LMO7: variants seen among roughly 807,000 people sequenced by gnomAD.
LMO7 encodes LIM domain 7.
In LMO7, 120 loss-of-function variants were observed where a neutral mutation model predicts 206.5. The ratio of observed to expected loss-of-function variants is 0.58; its 90% CI spans 0.50 to 0.68. LMO7 has a LOEUF of 0.68. Ranked by LOEUF, LMO7 falls within the 30% of genes least tolerant of loss-of-function variation. LMO7 has a pLI of 0.00. For synonymous variants in LMO7, 706 were observed against 681.5 expected, an observed-to-expected ratio of 1.04 and a Z score of -0.56; for missense variants, 1,959 against 1,957.9, an observed-to-expected ratio of 1.00 and a Z score of -0.01.
chr13:75,744,551 T>A (rs2046676975), intron 3 of LMO7, among the ~76,000 whole-genome samples: 1 of 152,182 alleles, frequency 6.6e-6, no homozygotes, highest in Admixed American at 6.5e-5. Context: ...ACTTGGAATG[T>A]CTCCCCTTAG....
rs190172966 is a variant in LMO7, at chr13:75,804,285, A to T, written c.662-4A>T. 1.8e-3 allele frequency: 2,893 copies of T among 1,610,022 alleles called. 73 individuals carry two copies. In the Admixed American group the frequency reaches 0.044, roughly 24 times the overall value. ...TAAAGCAAATTCTTGTGCCTTCTTT[A>T]TAGGTTTTGAAAGTGACACAGATTC... On this transcript the variant is annotated splice_polypyrimidine_tract_variant and splice_region_variant and intron_variant, in intron 7 of 30. Transcript: ENST00000377534.
At chr13:75,627,411 T>TG (rs1478524530) in intron 2 of LMO7, 1 of 152,228 alleles carries the variant, frequency 6.6e-6, no homozygotes, top group Non-Finnish European at 1.5e-5. Flanking sequence ...CAACTTATAA[T>TG]GGGTTTATCA....
At chr13:75,855,450 T>C (rs1277942896) in intron 29 of LMO7, 82 bp downstream of exon 29, 8 of 769,984 alleles carry the variant, frequency 1.0e-5, no homozygotes, top group Non-Finnish European at 1.8e-5. Context: ...TGGGTGTAGA[T>C]GTGCCACTAA....
intron 12 of LMO7, among the ~76,000 whole-genome samples, chr13:75,818,361 A>C (rs1240160612): frequency 2.6e-5 from 4 of 152,168 alleles, no homozygotes; most frequent in Admixed American, 1.3e-4. Flanking sequence ...AGGGGTATAA[A>C]TCAAACGTAC....
intron 4 of LMO7, among the ~76,000 whole-genome samples, chr13:75,785,098 T>C (rs2052196751): frequency 6.6e-6 from 1 of 152,174 alleles, no homozygotes; most frequent in Non-Finnish European, 1.5e-5. Flanking sequence ...TCTACCATTG[T>C]CTTTGGGTGA....
intron 11 of LMO7, among the ~76,000 whole-genome samples, chr13:75,815,118 AG>A (rs2056840785): frequency 6.6e-6 from 1 of 152,072 alleles, no homozygotes. Context: ...TTGGGTAGGA[AG>A]GGGTGGAAGC....
At chr13:75,819,617 T>G in intron 13 of LMO7, 82 bp downstream of exon 13, 1 of 1,281,886 alleles carries the variant, frequency 7.8e-7, no homozygotes, top group Non-Finnish European at 1.0e-6. Context: ...AAGTGTAGTG[T>G]GACATAGGTG....
chr13:75,686,526 CTTTT>C (rs3036372), intron 1 of LMO7, among the ~76,000 whole-genome samples: 25 of 135,832 alleles, frequency 1.8e-4, no homozygotes, highest in African/African-American at 5.8e-4. Context: ...CCTATCTTAC[CTTTT>C]TTTTTTTTTT....
chr13:75,780,111 G>T (rs1043763351), intron 4 of LMO7, among the ~76,000 whole-genome samples: 1 of 152,140 alleles, frequency 6.6e-6, no homozygotes, highest in African/African-American at 2.4e-5. Flanking sequence ...AGGTCACAAG[G>T]CCAGGGTGAA....
At chr13:75,658,622 C>T (rs1195210413) in intron 1 of LMO7, among the ~76,000 whole-genome samples, 3 of 152,124 alleles carry the variant, frequency 2.0e-5, no homozygotes, top group Admixed American at 6.6e-5. Context: ...CTCGCTCTGT[C>T]GCCCAGGCTG....
At chr13:75,831,675 C>T (rs553212274) in intron 15 of LMO7, among the ~76,000 whole-genome samples, 1 of 152,074 alleles carries the variant, frequency 6.6e-6, no homozygotes, top group African/African-American at 2.4e-5. Context: ...CAAAACAAGG[C>T]AACCTCACTT....
At chr13:75,742,908 A>G (rs1168220595) in intron 3 of LMO7, among the ~76,000 whole-genome samples, 2 of 152,246 alleles carry the variant, frequency 1.3e-5, no homozygotes. Context: ...CTGCACAGCA[A>G]AAGGAACTAT....
chr13:75,730,394 A>G (rs895239705), intron 3 of LMO7, among the ~76,000 whole-genome samples: 3 of 152,080 alleles, frequency 2.0e-5, no homozygotes, highest in Non-Finnish European at 4.4e-5. Flanking sequence ...CATTTCTTCT[A>G]GATTTTCTAG....
chr13:75,760,033 C>T (rs2048023144), intron 3 of LMO7, among the ~76,000 whole-genome samples: 1 of 151,866 alleles, frequency 6.6e-6, no homozygotes, highest in African/African-American at 2.4e-5. Flanking sequence ...CAAGTTCAAC[C>T]CCATAAAGTG....
intron 30 of LMO7, 72 bp downstream of exon 30, chr13:75,856,680 A>C (rs2060988004): frequency 3.5e-6 from 3 of 859,672 alleles, no homozygotes; most frequent in Non-Finnish European, 6.0e-6. Flanking sequence ...ATTTCCCTGA[A>C]CCTGCAGCGA....
In LMO7 at chr13:75,853,315, G is replaced by A; in HGVS notation, c.4588G>A (p.Ala1530Thr). 1 of 1,613,984 alleles carries A rather than the reference G, an allele frequency of 6.2e-7. No individual in the cohort carries two copies. Among genetic ancestry groups the A allele is most frequent in the Admixed American group, 1.7e-5 (1 of 60,016 alleles). ...GSVKTSTTGV[A>T]TTQSPTPRSH... ...CGTGAAGACCTCCACCACAGGTGTGGCCACCACACAGTCCCCCACCCCGAG... is the reference window on the plus strand; with the variant it reads ...CGTGAAGACCTCCACCACAGGTGTGACCACCACACAGTCCCCCACCCCGAG... The change falls in exon 28 of 31, where the codon GCC becomes ACC. Residue 1530 changes from alanine to threonine, a missense_variant. Coordinates refer to ENST00000377534, the MANE Select transcript of LMO7 (RefSeq NM_001306080.2).
chr13:75,780,330 G>A (rs1028144974), intron 4 of LMO7, among the ~76,000 whole-genome samples: 1 of 152,178 alleles, frequency 6.6e-6, no homozygotes, highest in Admixed American at 6.5e-5. Flanking sequence ...TCCCAGAGTG[G>A]CTATTTTAGA....
chr13:75,800,549 C>T (rs2054599312), intron 6 of LMO7, 135 bp from the exon 7 acceptor site: 8 of 739,834 alleles, frequency 1.1e-5, no homozygotes, highest in South Asian at 5.6e-5. Context: ...TTGCTGTGTC[C>T]GACAGAGAAA....
chr13:75,760,852 C>T (rs1056963498), intron 3 of LMO7, 80 bp from the exon 4 acceptor site: 16 of 1,579,878 alleles, frequency 1.0e-5, no homozygotes, highest in South Asian at 5.7e-5. Flanking sequence ...TTTGAAGCTT[C>T]GAAGTTATAT....
Sources: gnomAD v4.1 joint callset for allele counts (sites outside exome capture counted in the v4.1 genomes callset) on GRCh38, gnomAD v4.1.1 for gene constraint, MANE v1.5 for transcripts, NCBI Gene and HGNC (gene_info 2026-07-23, HGNC 2026-07-21) for gene names.